ALMS1: variants seen among roughly 807,000 people sequenced by gnomAD.
ALMS1 encodes the protein ALMS1 centrosome and basal body associated protein, also known as centrosome-associated protein ALMS1.
A neutral mutation model predicts 352.2 loss-of-function variants in ALMS1; 271 were observed. The ratio of observed to expected loss-of-function variants is 0.77; its 90% confidence interval spans 0.70 to 0.85. The LOEUF (loss-of-function observed/expected upper bound fraction) is 0.85. Among genes scored for constraint, ALMS1 ranks in the 40% least tolerant of loss-of-function variants. The pLI is 0.00. For synonymous variants in ALMS1, 1,865 were observed against 1,761.2 expected (o/e 1.06, Z -1.48); for missense variants, 5,445 against 4,870.7 (o/e 1.12, Z -3.51).
At chr2:73,544,433 T>C (rs1674266227) in intron 12 of ALMS1, among the ~76,000 whole-genome samples, 1 of 152,068 alleles carries the variant, frequency 6.6e-6, no homozygotes, top group Non-Finnish European at 1.5e-5. Flanking sequence ...AGTTAATGGG[T>C]GCAGCACACC....
chr2:73,451,700 G>A lies in ALMS1; in HGVS notation c.5173G>A (p.Ala1725Thr), dbSNP rs763052163. 6.2e-7 allele frequency: 1 copy of A among 1,613,922 alleles called. No individual in the cohort carries two copies. The highest frequency in any genetic ancestry group is 8.5e-7 in the Non-Finnish European group (1 of 1,179,950). Residue 1725 changes from alanine to threonine, a missense_variant, in exon 8 of 23, where the codon GCC (alanine) becomes ACC (threonine). Transcript: ENST00000613296. ...GAAGCCCATTGTCTTCTACCAACAG[G>A]CCCTGCCAGACAGTGAGCTAACTCA... ...REKPIVFYQQ[A>T]LPDSELTQEA...
intron 9 of ALMS1, among the ~76,000 whole-genome samples, chr2:73,485,197 T>A (rs1672804495): frequency 6.6e-6 from 1 of 152,250 alleles, no homozygotes; most frequent in Admixed American, 6.5e-5. Flanking sequence ...TTTCCCCATC[T>A]TTGTGGTTTT....
At chr2:73,468,029 T>C (rs115539218) in intron 9 of ALMS1, among the ~76,000 whole-genome samples, 3,842 of 152,094 alleles carry the variant, frequency 0.025, 70 homozygotes, top group Non-Finnish European at 0.039. Context: ...TGTCATCACA[T>C]ATAAAAAATA....
rs775482774 is a variant in ALMS1, at chr2:73,424,478, G to A, written c.813G>A (p.Ser271=). 5.0e-6 allele frequency: 8 copies of A among 1,602,480 alleles called. No individual in the cohort carries two copies. The African/African-American group carries it at 6.7e-5, about 13-fold the overall frequency. The change falls in exon 5 of 23, where the codon TCG becomes TCA. Residue 271 remains serine (S), a synonymous_variant. Coordinates refer to ENST00000613296, the MANE Select transcript of ALMS1 (RefSeq NM_001378454.1). ...SEDTEWSSRP[S]EVSEALFQAT... is the part of the protein sequence containing the mutation. Reference sequence around the variant, plus strand: ...ATACTGAATGGTCTTCTCGACCATCGGAAGTTAGTGAAGCTTTATTCCAGG... The same window carrying A: ...ATACTGAATGGTCTTCTCGACCATCAGAAGTTAGTGAAGCTTTATTCCAGG...
chr2:73,507,721 A>C (rs1355770763), intron 10 of ALMS1, among the ~76,000 whole-genome samples: 1 of 152,050 alleles, frequency 6.6e-6, no homozygotes, highest in Non-Finnish European at 1.5e-5. Flanking sequence ...TTTTCGAAAA[A>C]CCAGCTCCTG....
At chr2:73,596,797 C>T (rs1675558625) in intron 16 of ALMS1, among the ~76,000 whole-genome samples, 1 of 150,752 alleles carries the variant, frequency 6.6e-6, no homozygotes, top group Non-Finnish European at 1.5e-5. Context: ...ATATCAATGC[C>T]ACAATGCCTT....
chr2:73,530,510 A>G (rs1457563204), intron 11 of ALMS1, among the ~76,000 whole-genome samples: 1 of 152,240 alleles, frequency 6.6e-6, no homozygotes, highest in Non-Finnish European at 1.5e-5. Flanking sequence ...AGCTACTGTC[A>G]TGAGCTGGTG....
chr2:73,422,715 C>T (rs1198715246), intron 3 of ALMS1, 142 bp from the exon 4 acceptor site: 1 of 699,680 alleles, frequency 1.4e-6, no homozygotes, highest in Non-Finnish European at 2.5e-6. Context: ...GTAGCTGCTA[C>T]TGCTGTTGCT....
chr2:73,415,181 G>T (rs1214886968), intron 2 of ALMS1, among the ~76,000 whole-genome samples: 1 of 152,088 alleles, frequency 6.6e-6, no homozygotes, highest in Non-Finnish European at 1.5e-5. Context: ...TTAGAGATTT[G>T]TTGGCCTTTT....
chr2:73,421,670 T>C (rs1437650169), intron 3 of ALMS1, among the ~76,000 whole-genome samples: 1 of 152,110 alleles, frequency 6.6e-6, no homozygotes, highest in Middle Eastern at 3.2e-3. Context: ...GTTGACAATT[T>C]AGATGGGAAG....
At chr2:73,486,763 A>T (rs1049971344) in intron 9 of ALMS1, among the ~76,000 whole-genome samples, 2 of 152,196 alleles carry the variant, frequency 1.3e-5, no homozygotes, top group East Asian at 3.9e-4. Flanking sequence ...GGAAAAGTAC[A>T]TCTGGCCAGG....
intron 2 of ALMS1, among the ~76,000 whole-genome samples, chr2:73,413,913 A>G (rs1428827416): frequency 2.6e-5 from 4 of 152,290 alleles, no homozygotes; most frequent in African/African-American, 9.6e-5. Flanking sequence ...CCTCATGCCA[A>G]TATTACACTC....
intron 7 of ALMS1, among the ~76,000 whole-genome samples, chr2:73,443,540 G>C (rs189690960): frequency 1.3e-5 from 2 of 152,192 alleles, no homozygotes; most frequent in Admixed American, 1.3e-4. Flanking sequence ...CCTGTAAACA[G>C]CCTCCCTAAT....
At chr2:73,393,235 T>C (rs1333296663) in intron 1 of ALMS1, among the ~76,000 whole-genome samples, 1 of 152,202 alleles carries the variant, frequency 6.6e-6, no homozygotes, top group African/African-American at 2.4e-5. Flanking sequence ...TACAGTCCCT[T>C]GACAAATGTG....
chr2:73,566,901 A>G (rs1674812542), intron 15 of ALMS1, among the ~76,000 whole-genome samples: 1 of 152,168 alleles, frequency 6.6e-6, no homozygotes, highest in African/African-American at 2.4e-5. Flanking sequence ...CTGATTTTTT[A>G]TGAAGGATAT....
chr2:73,469,481 G>A (rs1231380071), intron 9 of ALMS1: 12 of 151,796 alleles, frequency 7.9e-5, no homozygotes, highest in African/African-American at 2.9e-4. Context: ...AGAATATAAT[G>A]TATAACATAT....
At chr2:73,492,754 T>C (rs1167425913) in intron 10 of ALMS1, among the ~76,000 whole-genome samples, 1 of 152,146 alleles carries the variant, frequency 6.6e-6, no homozygotes, top group African/African-American at 2.4e-5. Flanking sequence ...TTTAAAATTT[T>C]TTTCTTTGAG....
intron 9 of ALMS1, among the ~76,000 whole-genome samples, chr2:73,479,872 A>G (rs1013266300): frequency 2.6e-5 from 4 of 152,024 alleles, no homozygotes; most frequent in South Asian, 2.1e-4. Flanking sequence ...CCATATCCTC[A>G]CCAGCATTTG....
chr2:73,598,005 A>G (rs1675588436), intron 16 of ALMS1, among the ~76,000 whole-genome samples: 1 of 152,222 alleles, frequency 6.6e-6, no homozygotes, highest in African/African-American at 2.4e-5. Context: ...AATAGCCAGC[A>G]CCAAACCCAG....
Sources: gnomAD v4.1 joint callset for allele counts (sites outside exome capture counted in the v4.1 genomes callset) on GRCh38, gnomAD v4.1.1 for gene constraint, MANE v1.5 for transcripts, NCBI Gene and HGNC (gene_info 2026-07-23, HGNC 2026-07-21) for gene names.